Variants in FILIP1L observed in about 807,000 individuals in gnomAD.
FILIP1L encodes the protein filamin A-interacting protein 1-like.
A neutral mutation model predicts 96.6 loss-of-function variants in FILIP1L; 55 were observed. The ratio of observed to expected loss-of-function variants is 0.57; its 90% CI spans 0.46 to 0.71. FILIP1L has a LOEUF of 0.71. Among genes scored for constraint, FILIP1L ranks in the 30% least tolerant of loss-of-function variants. FILIP1L has a pLI of 0.00. For missense variants in FILIP1L, 1,304 were observed against 1,321.2 expected, an observed-to-expected ratio of 0.99 and a Z score of 0.20; for synonymous variants, 467 against 473.9, an observed-to-expected ratio of 0.99 and a Z score of 0.19.
intron 1 of FILIP1L, among the ~76,000 whole-genome samples, chr3:99,960,448 C>G (rs1219535186): frequency 6.6e-6 from 1 of 152,188 alleles, no homozygotes; most frequent in East Asian, 1.9e-4. Flanking sequence ...TCCCTACCCA[C>G]AGGGGAAAAA....
intron 1 of FILIP1L, among the ~76,000 whole-genome samples, chr3:99,948,377 A>G (rs1708073793): frequency 6.6e-6 from 1 of 151,990 alleles, no homozygotes; most frequent in African/African-American, 2.4e-5. Flanking sequence ...TAAAAATAAG[A>G]AAGAAAAAAA....
At chr3:99,861,349 A>C (rs969009897) in intron 4 of FILIP1L, among the ~76,000 whole-genome samples, 1 of 152,206 alleles carries the variant, frequency 6.6e-6, no homozygotes. Flanking sequence ...TCTAGGGAGA[A>C]GTATCCAAAA....
At chr3:100,100,420 A>G (rs138214366) in intron 1 of FILIP1L, among the ~76,000 whole-genome samples, 1 of 152,338 alleles carries the variant, frequency 6.6e-6, no homozygotes, top group African/African-American at 2.4e-5. Flanking sequence ...AGTAATTACT[A>G]TCATCTGGAT....
At chr3:100,025,910 G>T (rs941895203) in intron 1 of FILIP1L, among the ~76,000 whole-genome samples, 2 of 152,296 alleles carry the variant, frequency 1.3e-5, no homozygotes, top group Admixed American at 6.5e-5. Flanking sequence ...CTTGGTACCA[G>T]CCTGGGCCTC....
At chr3:99,869,642 T>C (rs1019567638) in intron 4 of FILIP1L, among the ~76,000 whole-genome samples, 38 of 152,204 alleles carry the variant, frequency 2.5e-4, no homozygotes, top group Non-Finnish European at 5.3e-4. Flanking sequence ...TCTAGGCTCC[T>C]GGACCAGGCA....
chr3:99,833,929 G>T (rs1449973557), intron 5 of FILIP1L, among the ~76,000 whole-genome samples: 2 of 152,240 alleles, frequency 1.3e-5, no homozygotes, highest in South Asian at 2.1e-4. Context: ...TAATGGGAAA[G>T]TATATAAGCA....
chr3:100,001,335 G>C (rs1327018180), intron 1 of FILIP1L, among the ~76,000 whole-genome samples: 1 of 152,190 alleles, frequency 6.6e-6, no homozygotes, highest in African/African-American at 2.4e-5. Context: ...GTGACGCAGT[G>C]TCAGAGGTGA....
chr3:99,918,127 G>A (rs1011570573), intron 4 of FILIP1L, among the ~76,000 whole-genome samples: 2 of 151,888 alleles, frequency 1.3e-5, no homozygotes, highest in Non-Finnish European at 2.9e-5. Context: ...ACAGGCGCGC[G>A]GCACCACGCC....
chr3:100,074,711 T>TTTTTTTTTTTTTTA (rs2065822129), intron 1 of FILIP1L, among the ~76,000 whole-genome samples: 1 of 123,588 alleles, frequency 8.1e-6, no homozygotes, highest in Middle Eastern at 3.6e-3. Flanking sequence ...TTTTTTTTTT[T>TTTTTTTTTTTTTTA]GAGACGAAGT....
chr3:99,843,986 TC>T (rs1409517882), intron 5 of FILIP1L, among the ~76,000 whole-genome samples: 1 of 147,086 alleles, frequency 6.8e-6, no homozygotes, highest in Non-Finnish European at 1.5e-5. Context: ...CCTGAAACCA[TC>T]CCCCCAACCC....
intron 5 of FILIP1L, among the ~76,000 whole-genome samples, chr3:99,842,618 C>T (rs563603098): frequency 6.6e-6 from 1 of 151,624 alleles, no homozygotes; most frequent in Admixed American, 6.6e-5. Flanking sequence ...TTCAGTTTTT[C>T]AAAATATTGC....
intron 4 of FILIP1L, among the ~76,000 whole-genome samples, chr3:99,856,264 T>C (rs1212441176): frequency 6.6e-6 from 1 of 152,176 alleles, no homozygotes; most frequent in Non-Finnish European, 1.5e-5. Flanking sequence ...GTTTTGAAAG[T>C]GTTGTTGGAA....
chr3:100,011,303 A>G (rs933005726), intron 1 of FILIP1L, among the ~76,000 whole-genome samples: 11 of 152,052 alleles, frequency 7.2e-5, no homozygotes, highest in African/African-American at 2.7e-4. Context: ...GTGTTGATCT[A>G]TTGAGTATCA....
intron 1 of FILIP1L, among the ~76,000 whole-genome samples, chr3:100,090,575 G>A (rs1185072591): frequency 6.6e-6 from 1 of 152,178 alleles, no homozygotes; most frequent in African/African-American, 2.4e-5. Flanking sequence ...CCCTGCCTGG[G>A]CTCTTTCTCT....
intron 1 of FILIP1L, among the ~76,000 whole-genome samples, chr3:99,973,483 CCT>C (rs1352703003): frequency 6.6e-6 from 1 of 151,994 alleles, no homozygotes; most frequent in Non-Finnish European, 1.5e-5. Context: ...TATGAAAATT[CCT>C]CTGTCTTTTT....
chr3:100,084,974 C>G (rs1458895492), intron 1 of FILIP1L, among the ~76,000 whole-genome samples: 1 of 152,188 alleles, frequency 6.6e-6, no homozygotes, highest in African/African-American at 2.4e-5. Flanking sequence ...CATTCTCTGT[C>G]CATGTCTTTA....
At chr3:99,937,615 G>T (rs1397984161) in intron 1 of FILIP1L, among the ~76,000 whole-genome samples, 2 of 152,262 alleles carry the variant, frequency 1.3e-5, no homozygotes, top group East Asian at 3.9e-4. Context: ...ATTCATATTT[G>T]GTTAGCACAG....
At chr3:99,944,192 AGT>A (rs745514632) in intron 1 of FILIP1L, among the ~76,000 whole-genome samples, 22 of 152,180 alleles carry the variant, frequency 1.4e-4, no homozygotes, top group Non-Finnish European at 2.5e-4. Context: ...GTATTTTAAG[AGT>A]GTGTGTTATT....
At chr3:100,039,740 A>G (rs756768767) in intron 1 of FILIP1L, 2 of 151,094 alleles carry the variant, frequency 1.3e-5, no homozygotes, top group Admixed American at 6.6e-5. Context: ...TTTTCTTCAC[A>G]GTTAACGACT....
Sources: gnomAD v4.1 joint callset for allele counts (sites outside exome capture counted in the v4.1 genomes callset) on GRCh38, gnomAD v4.1.1 for gene constraint, MANE v1.5 for transcripts, NCBI Gene and HGNC (gene_info 2026-07-23, HGNC 2026-07-21) for gene names.